Variants in CUBN observed in about 807,000 individuals in gnomAD.
The protein encoded by CUBN is 460 kDa receptor.
A neutral mutation model predicts 405.3 loss-of-function variants in CUBN; 282 were observed. The observed-to-expected ratio is 0.70, with a 90% CI of 0.63 to 0.77. The LOEUF (loss-of-function observed/expected upper bound fraction) is 0.77. Ranked by LOEUF, CUBN falls within the 30% of genes least tolerant of loss-of-function variation. The probability of loss-of-function intolerance (pLI) is 0.00; values close to 1 mark genes in which losing one functional copy is unlikely to be tolerated. For synonymous variants in CUBN, 1,684 were observed against 1,617.0 expected (o/e 1.04, Z -0.99); for missense variants, 4,514 against 4,475.2 (o/e 1.01, Z -0.25).
At chr10:16,958,279 A>C (rs1438460235) in intron 31 of CUBN, among the ~76,000 whole-genome samples, 1 of 152,118 alleles carries the variant, frequency 6.6e-6, no homozygotes, top group African/African-American at 2.4e-5. Flanking sequence ...TGGCTGAAGT[A>C]ATACTTCACA....
chr10:16,851,151 A>G, intron 60 of CUBN, 84 bp downstream of exon 60: 1 of 1,153,842 alleles, frequency 8.7e-7, no homozygotes, highest in Non-Finnish European at 1.3e-6. Flanking sequence ...AATTAGCAGG[A>G]CTTCCTGTAA....
intron 37 of CUBN, 86 bp downstream of exon 37, chr10:16,939,946 C>G: frequency 8.8e-7 from 1 of 1,137,060 alleles, no homozygotes; most frequent in Non-Finnish European, 1.3e-6. Flanking sequence ...TAGGATTGTT[C>G]TTGCTTAATA....
Position 16,913,926 on chromosome 10 carries a change from G to T in CUBN, c.7418C>A (p.Pro2473His). 6.2e-7 allele frequency: 1 copy of T among 1,614,118 alleles called. No individual in the cohort carries two copies. The highest frequency in any genetic ancestry group is 8.5e-7 in the Non-Finnish European group (1 of 1,180,030). ...FTSPNYPNPN[P>H]HGRICEWRIT... The stretch of plus-strand genomic sequence containing the variant: ...TCTCCACTCGCAGATCCGGCCATGA[G>T]GATTTGGGTTCGGGTAGTTGGGAGA... Residue 2473 changes from proline (P) to histidine (H), a missense_variant, in exon 48 of 67, where the codon CCT becomes CAT. Transcript: ENST00000377833.
intron 54 of CUBN, among the ~76,000 whole-genome samples, chr10:16,897,145 C>CA (rs1174171908): frequency 1.3e-5 from 2 of 152,184 alleles, no homozygotes; most frequent in African/African-American, 4.8e-5. Flanking sequence ...TGATTTATCT[C>CA]ACTGTTGACA....
intron 59 of CUBN, among the ~76,000 whole-genome samples, chr10:16,864,496 T>A (rs1840107970): frequency 6.6e-6 from 1 of 152,118 alleles, no homozygotes; most frequent in Admixed American, 6.5e-5. Context: ...TTTATCCCCA[T>A]CACATTCTTA....
chr10:17,110,039 ACT>A (rs1431611541), intron 9 of CUBN, among the ~76,000 whole-genome samples: 1 of 152,140 alleles, frequency 6.6e-6, no homozygotes, highest in East Asian at 1.9e-4. Context: ...TATTACAGTG[ACT>A]CTGATGTTCT....
chr10:16,894,758 T>C (rs558695541), intron 54 of CUBN, among the ~76,000 whole-genome samples: 48 of 152,336 alleles, frequency 3.2e-4, no homozygotes, highest in Non-Finnish European at 5.4e-4. Flanking sequence ...TTGATAGGAA[T>C]TGCATTAAAC....
chr10:17,083,351 C>A (rs1259074820), intron 17 of CUBN, among the ~76,000 whole-genome samples: 1 of 151,754 alleles, frequency 6.6e-6, no homozygotes, highest in Non-Finnish European at 1.5e-5. Flanking sequence ...ACTAAAAATG[C>A]AAAATTAGCC....
chr10:17,119,974 A>G (rs1836999688), intron 6 of CUBN, among the ~76,000 whole-genome samples: 1 of 152,112 alleles, frequency 6.6e-6, no homozygotes, highest in South Asian at 2.1e-4. Context: ...CCAGTTAAAG[A>G]CTCCTTTTTC....
At chr10:16,995,947 C>T (rs1833721911) in intron 28 of CUBN, among the ~76,000 whole-genome samples, 1 of 152,174 alleles carries the variant, frequency 6.6e-6, no homozygotes, top group Admixed American at 6.5e-5. Flanking sequence ...TTCAAGAAAG[C>T]TGTGGAACAT....
intron 28 of CUBN, among the ~76,000 whole-genome samples, chr10:16,995,590 A>G (rs1833710680): frequency 6.6e-6 from 1 of 151,992 alleles, no homozygotes; most frequent in Admixed American, 6.6e-5. Flanking sequence ...TTTCCCTCCC[A>G]AAGTGCTGGG....
intron 53 of CUBN, 81 bp downstream of exon 53, chr10:16,900,544 G>A (rs1195543194): frequency 9.1e-7 from 1 of 1,096,012 alleles, no homozygotes; most frequent in African/African-American, 1.5e-5. Flanking sequence ...CTGATGTAAA[G>A]TAGGTACAAA....
At chr10:16,844,421 G>C (rs1839450201) in intron 60 of CUBN, among the ~76,000 whole-genome samples, 1 of 152,196 alleles carries the variant, frequency 6.6e-6, no homozygotes, top group Non-Finnish European at 1.5e-5. Context: ...CAGGGTGAGA[G>C]AACAGGAGAA....
chr10:17,023,753 T>A, intron 27 of CUBN: 1 of 374,752 alleles, frequency 2.7e-6, no homozygotes, highest in Non-Finnish European at 5.6e-6. Context: ...TAGTAAAAAC[T>A]AAGAAAGATT....
chr10:17,052,147 T>A (rs188781755), intron 22 of CUBN, among the ~76,000 whole-genome samples: 38 of 152,268 alleles, frequency 2.5e-4, no homozygotes, highest in African/African-American at 9.1e-4. Context: ...GGAATACATC[T>A]TTAAAATGTT....
In CUBN at chr10:16,908,952, G is replaced by A. The variant is rs974435405; in HGVS notation, c.7534-1273C>T. Reference sequence around the variant, plus strand: ...CTGCGGACTGCAGTGGCGCAATCTCGGCTCACTGCAAGCTCCGCTTCCCGG... The same window carrying A: ...CTGCGGACTGCAGTGGCGCAATCTCAGCTCACTGCAAGCTCCGCTTCCCGG... On this transcript the variant is annotated intron_variant, in intron 48 of 66. Coordinates refer to ENST00000377833, the MANE Select transcript of CUBN (RefSeq NM_001081.4). Among the ~76,000 whole-genome samples the A allele has an allele frequency of 6.2e-5, 9 of 144,148 alleles. No homozygotes were observed. The Admixed American group carries it at 6.6e-4, about 11-fold the overall frequency. The allele number at this position is 144,148 out of a possible 152,430, so 94.6% of individuals were successfully genotyped here.
At chr10:16,898,367 G>A (rs1445582946) in intron 54 of CUBN, among the ~76,000 whole-genome samples, 1 of 152,136 alleles carries the variant, frequency 6.6e-6, no homozygotes, top group East Asian at 1.9e-4. Context: ...GAACATGCAG[G>A]TGGTAGGTAT....
At chr10:16,856,901 C>T (rs554539506) in intron 59 of CUBN, among the ~76,000 whole-genome samples, 30 of 152,130 alleles carry the variant, frequency 2.0e-4, no homozygotes, top group African/African-American at 7.2e-4. Context: ...TAGGGAAATT[C>T]GAGCACACCT....
intron 10 of CUBN, among the ~76,000 whole-genome samples, chr10:17,109,203 G>A (rs146494405): frequency 6.6e-6 from 1 of 152,238 alleles, no homozygotes; most frequent in African/African-American, 2.4e-5. Context: ...TGTCACCCTA[G>A]ATCTATTTTC....
Sources: allele counts gnomAD v4.1 joint callset (sites outside exome capture counted in the v4.1 genomes callset), GRCh38; gene constraint gnomAD v4.1.1; transcripts MANE v1.5; gene names NCBI Gene and HGNC (gene_info 2026-07-23, HGNC 2026-07-21).